The following KLHL5 variants were observed in gnomAD, a reference collection of about 807,000 sequenced individuals.
The protein encoded by KLHL5 is kelch-like protein 5.
In KLHL5, 48 loss-of-function variants were observed where a neutral mutation model predicts 77.7. That is an observed-to-expected ratio of 0.62 (90% confidence interval 0.49 to 0.79). KLHL5 has a LOEUF of 0.79. Ranked by LOEUF, KLHL5 falls within the 30% of genes least tolerant of loss-of-function variation. The pLI is 0.00. For missense variants in KLHL5, 723 were observed against 859.7 expected, an observed-to-expected ratio of 0.84 and a Z score of 1.99; for synonymous variants, 260 against 297.0, an observed-to-expected ratio of 0.88 and a Z score of 1.28.
chr4:39,060,026 A>G (rs1470017907), upstream of KLHL5, among the ~76,000 whole-genome samples: 1 of 152,184 alleles, frequency 6.6e-6, no homozygotes, highest in Non-Finnish European at 1.5e-5. Context: ...AAAACCCAAA[A>G]ACCTGAAATC....
At chr4:39,137,281 T>A in the KLHL5 span, among the ~76,000 whole-genome samples, 1 of 151,814 alleles carries the variant, frequency 6.6e-6, no homozygotes. Flanking sequence ...AACTCTGAAC[T>A]GAGCCAGCCT....
chr4:39,054,736 A>G (rs565134173), intron 1 of KLHL5, among the ~76,000 whole-genome samples: 6 of 152,272 alleles, frequency 3.9e-5, no homozygotes, highest in South Asian at 2.1e-4. Context: ...CTCTCCACCA[A>G]CTGCTTCTGA....
rs71643263 is a variant in KLHL5, at chr4:39,086,904, CTTTTTTTTTTTTT to C, written c.1113+189_1113+201del. On this transcript the variant is annotated intron_variant, in intron 5 of 10. Transcript: ENST00000504108. ...TAAATTGCTTCAATTAAGTAACATT[CTTTTTTTTTTTTT>C]TTTTTTTTTTTGAGATGGAGTCTCA... is the stretch of plus-strand genomic sequence containing the variant. Among the ~76,000 whole-genome samples, 21 of 78,346 alleles carry C rather than the reference CTTTTTTTTTTTTT, an allele frequency of 2.7e-4. No homozygotes were observed. In the Admixed American group the frequency reaches 3.6e-3, roughly 13 times the overall value. 51.4% of individuals were successfully genotyped at this position (78,346 alleles called of 152,430 possible). A position where few individuals can be genotyped will look rare whatever the true frequency, so the allele number is the denominator to read the frequency against.
At chr4:39,136,084 G>GA in the KLHL5 span, among the ~76,000 whole-genome samples, 3 of 149,840 alleles carry the variant, frequency 2.0e-5, no homozygotes, top group East Asian at 3.9e-4. Flanking sequence ...TCAAAGACAT[G>GA]AAAAAAAATC....
At chr4:39,089,902 T>C (rs1720364457) in intron 5 of KLHL5, among the ~76,000 whole-genome samples, 1 of 152,228 alleles carries the variant, frequency 6.6e-6, no homozygotes, top group African/African-American at 2.4e-5. Context: ...CCACATTGCC[T>C]TGTATAATTT....
chr4:39,117,763 C>T (rs1440722385), intron 10 of KLHL5, among the ~76,000 whole-genome samples: 1 of 152,030 alleles, frequency 6.6e-6, no homozygotes, highest in South Asian at 2.1e-4. Flanking sequence ...AAGCAGAAGC[C>T]AGCACACAGT....
rs751678310 is a variant in KLHL5 at position 39,081,089 on chromosome 4, T to G, written c.567-14T>G. 6.3e-7 allele frequency: 1 copy of G among 1,585,024 alleles called. No individual in the cohort carries two copies. The highest frequency in any genetic ancestry group is 2.2e-5 in the East Asian group (1 of 44,538). On this transcript the variant is annotated splice_polypyrimidine_tract_variant and intron_variant, in intron 2 of 10. Transcript: ENST00000504108. The surrounding 1 kb of genome is among the most constrained non-coding windows in gnomAD (Gnocchi z 4.3). The stretch of plus-strand genomic sequence containing the variant: ...ATGTGGTCATTGATTTTTTTTTTCC[T>G]AATGTGTTCACAGATTGGTGCTCTC...
intron 7 of KLHL5, among the ~76,000 whole-genome samples, chr4:39,105,345 C>T (rs1721941277): frequency 6.6e-6 from 1 of 151,764 alleles, no homozygotes; most frequent in African/African-American, 2.4e-5. Flanking sequence ...CAGGGTTTCA[C>T]TATGTTACCC....
At chr4:39,104,539 T>C (rs1721873206) in intron 7 of KLHL5, among the ~76,000 whole-genome samples, 1 of 152,148 alleles carries the variant, frequency 6.6e-6, no homozygotes, top group Non-Finnish European at 1.5e-5. Context: ...TTGCTCATAG[T>C]CCAGCTGTTT....
At chr4:39,118,867 G>C (rs544935886) in intron 10 of KLHL5, among the ~76,000 whole-genome samples, 1 of 152,272 alleles carries the variant, frequency 6.6e-6, no homozygotes, top group South Asian at 2.1e-4. Flanking sequence ...GTTTTTAAGT[G>C]AAGAGAAAGA....
intron 1 of KLHL5, among the ~76,000 whole-genome samples, chr4:39,067,584 T>G (rs995998726): frequency 2.0e-5 from 3 of 152,106 alleles, no homozygotes; most frequent in African/African-American, 4.8e-5. Context: ...TAGTTTCACC[T>G]TCTTTCTTCA....
chr4:39,126,657 T>C (rs1214913582), downstream of KLHL5: 1 of 449,832 alleles, frequency 2.2e-6, no homozygotes, highest in Non-Finnish European at 4.5e-6. Flanking sequence ...TTTGACCATA[T>C]TTCTTTGTGG....
chr4:39,138,855 G>T, the KLHL5 span, among the ~76,000 whole-genome samples: 4 of 152,164 alleles, frequency 2.6e-5, no homozygotes, highest in Non-Finnish European at 5.9e-5. Flanking sequence ...TACATAAATT[G>T]AAAGTTTGAT....
At chr4:39,092,065 A>G (rs968404611) in intron 5 of KLHL5, among the ~76,000 whole-genome samples, 2 of 152,078 alleles carry the variant, frequency 1.3e-5, no homozygotes, top group Non-Finnish European at 2.9e-5. Flanking sequence ...TTTTAGAGCA[A>G]TAGTCATAAG....
chr4:39,062,220 A>G, upstream of KLHL5: 1 of 1,189,812 alleles, frequency 8.4e-7, no homozygotes, highest in Non-Finnish European at 1.0e-6. Flanking sequence ...ACTAAGCAGC[A>G]GAGACTGAGA....
Position 39,121,289 on chromosome 4 carries a change from G to A in KLHL5, c.*223G>A. On this transcript the variant is annotated 3_prime_UTR_variant, in exon 11 of 11. Coordinates refer to ENST00000504108, the MANE Select transcript of KLHL5 (RefSeq NM_015990.5). ...AATTAAAACCTGCAGCTGGTGGATT[G>A]TGATCACACATTCCCGAAGTAATAA... The A allele has an allele frequency of 1.8e-6, 1 of 567,284 alleles. No homozygotes were observed. 35.1% of individuals were successfully genotyped at this position (567,284 alleles called of 1,614,324 possible).
chr4:39,065,149 T>C (rs1234142631), intron 1 of KLHL5, among the ~76,000 whole-genome samples: 1 of 152,194 alleles, frequency 6.6e-6, no homozygotes, highest in African/African-American at 2.4e-5. Context: ...TATATTCTTT[T>C]TCTCTATTTT....
At chr4:39,103,913 G>T (rs1183683684) in intron 7 of KLHL5, among the ~76,000 whole-genome samples, 1 of 144,374 alleles carries the variant, frequency 6.9e-6, no homozygotes, top group Non-Finnish European at 1.5e-5. Flanking sequence ...AGCCTGGGAG[G>T]TCAAGGCTGC....
At chr4:39,068,661 T>C (rs1718128320) in intron 1 of KLHL5, among the ~76,000 whole-genome samples, 1 of 152,194 alleles carries the variant, frequency 6.6e-6, no homozygotes, top group African/African-American at 2.4e-5. Context: ...GGATAGGTCC[T>C]ACAGTTACAC....
Sources: allele counts gnomAD v4.1 joint callset (sites outside exome capture counted in the v4.1 genomes callset), GRCh38; gene constraint gnomAD v4.1.1; non-coding constraint Gnocchi (gnomAD v3.1); transcripts MANE v1.5; gene names NCBI Gene and HGNC (gene_info 2026-07-23, HGNC 2026-07-21).